CREBBP: variants seen among roughly 807,000 people sequenced by gnomAD.
The protein encoded by CREBBP is CREB binding lysine acetyltransferase, also known as CREB-binding protein.
CREBBP carries 19 observed loss-of-function variants against 265.0 expected under a neutral mutation model. The ratio of observed to expected loss-of-function variants is 0.07; its 90% CI spans 0.05 to 0.11. The LOEUF is 0.11. CREBBP is among the 10% of genes least tolerant of loss of function. The pLI, the probability that CREBBP is intolerant of heterozygous loss-of-function variation, is 1.00. For synonymous variants in CREBBP, 1,457 were observed against 1,223.7 expected, an observed-to-expected ratio of 1.19 and a Z score of -3.98; for missense variants, 2,525 against 3,219.0, an observed-to-expected ratio of 0.78 and a Z score of 5.22.
chr16:3,751,290 T>TTA (rs1162335427), intron 20 of CREBBP, among the ~76,000 whole-genome samples: 1 of 152,078 alleles, frequency 6.6e-6, no homozygotes, highest in Admixed American at 6.6e-5. Flanking sequence ...TTAAATGTGA[T>TTA]CATAGTTAAT....
intron 23 of CREBBP, 66 bp from the exon 24 acceptor site, chr16:3,740,615 A>G: frequency 6.3e-7 from 1 of 1,582,420 alleles, no homozygotes; most frequent in Non-Finnish European, 8.7e-7. Flanking sequence ...GACTGAGACT[A>G]GAGAATCCAC....
intron 2 of CREBBP, among the ~76,000 whole-genome samples, chr16:3,846,166 A>G (rs2054663868): frequency 6.6e-6 from 1 of 152,224 alleles, no homozygotes; most frequent in East Asian, 1.9e-4. Context: ...ATTAATGAGA[A>G]AAAATGACAA....
intron 2 of CREBBP, among the ~76,000 whole-genome samples, chr16:3,837,246 G>A (rs2054471550): frequency 6.6e-6 from 1 of 152,068 alleles, no homozygotes; most frequent in South Asian, 2.1e-4. Context: ...ACCCTGTACA[G>A]GCTTAGGCTA....
At chr16:3,778,275 A>C in intron 9 of CREBBP, 93 bp from the exon 10 acceptor site, 9 of 1,059,296 alleles carry the variant, frequency 8.5e-6, no homozygotes, top group Middle Eastern at 2.9e-4. Context: ...GAACTTCCTC[A>C]TTGAGTACAC....
chr16:3,826,401 G>T (rs1229047084), intron 2 of CREBBP, among the ~76,000 whole-genome samples: 1 of 152,130 alleles, frequency 6.6e-6, no homozygotes, highest in African/African-American at 2.4e-5. Flanking sequence ...AACATAGTGA[G>T]TCCTTCCAAA....
chr16:3,753,205 G>A (rs2052514106), intron 19 of CREBBP, among the ~76,000 whole-genome samples: 1 of 152,200 alleles, frequency 6.6e-6, no homozygotes, highest in Admixed American at 6.5e-5. Flanking sequence ...CACTCACACG[G>A]CTACAGAAGA....
chr16:3,843,944 C>G (rs898926506), intron 2 of CREBBP, among the ~76,000 whole-genome samples: 1 of 151,060 alleles, frequency 6.6e-6, no homozygotes, highest in Non-Finnish European at 1.5e-5. Flanking sequence ...GTCAGGAGAT[C>G]GAGACCATCC....
chr16:3,725,833 C>A lies in CREBBP; in HGVS notation c.*1885G>T, dbSNP rs1161208158. On this transcript the variant is annotated 3_prime_UTR_variant, in exon 31 of 31. Transcript: ENST00000262367. ...ATTTGGGGCGTGATTTCTAAAATTA[C>A]CATCACCCCCACCTAGACCAGCCTT... 8.6e-6 allele frequency: 2 copies of A among 233,048 alleles called. No homozygotes were observed. The highest frequency in any genetic ancestry group is 4.4e-5 in the African/African-American group (2 of 45,336). The allele number at this position is 233,048 out of a possible 1,614,324, so 14.4% of individuals were successfully genotyped here. A position where few individuals can be genotyped will look rare whatever the true frequency, so the allele number is the denominator to read the frequency against.
In CREBBP at chr16:3,865,058, C is replaced by CA. The variant is rs887679412; in HGVS notation, c.86-14050dup. Among the ~76,000 whole-genome samples, 757 of 143,468 alleles carry CA rather than the reference C, an allele frequency of 5.3e-3. 3 individuals are homozygous for CA. The highest frequency in any genetic ancestry group is 6.4e-3 in the Non-Finnish European group (414 of 65,110). The allele number at this position is 143,468 out of a possible 152,430, so 94.1% of individuals were successfully genotyped here. ...TGGGCGACAAAGCAAGACTCTGTCT[C>CA]AAAAAAAAAAAGAATATCTGCAACA... On this transcript the variant is annotated intron_variant, in intron 1 of 30. Transcript: ENST00000262367.
chr16:3,813,390 AT>A (rs1487201649), intron 2 of CREBBP, among the ~76,000 whole-genome samples: 2 of 152,210 alleles, frequency 1.3e-5, no homozygotes, highest in Non-Finnish European at 2.9e-5. Flanking sequence ...TATTAAGCAC[AT>A]TTCTGATTTG....
At chr16:3,773,579 G>C (rs968942884) in intron 13 of CREBBP, 172 bp downstream of exon 13, 1 of 681,686 alleles carries the variant, frequency 1.5e-6, no homozygotes, top group Non-Finnish European at 2.4e-6. Context: ...AATTCCAAAC[G>C]AGTTAAGGAC....
At chr16:3,848,828 TCTTAA>T (rs1313173295) in intron 2 of CREBBP, among the ~76,000 whole-genome samples, 1 of 152,192 alleles carries the variant, frequency 6.6e-6, no homozygotes, top group Non-Finnish European at 1.5e-5. Context: ...TACAGACTCT[TCTTAA>T]AATGCCAGGT....
At chr16:3,847,541 G>C (rs754473730) in intron 2 of CREBBP, among the ~76,000 whole-genome samples, 1 of 152,172 alleles carries the variant, frequency 6.6e-6, no homozygotes, top group Non-Finnish European at 1.5e-5. Context: ...GCTGCTTTGA[G>C]ATACCTATAG....
Position 3,778,746 on chromosome 16 carries a change from T to C in CREBBP, c.1895A>G (p.Tyr632Cys). The change falls in exon 9 of 31, where the codon TAT becomes TGT. Residue 632 changes from tyrosine to cysteine, a missense_variant. Transcript: ENST00000262367. ...KDRRMENLVA[Y>C]AKKVEGDMYE... The stretch of plus-strand genomic sequence containing the variant: ...CATGTCCCCTTCCACTTTCTTAGCA[T>C]AGGCTACCAGGTTTTCCATGCGGCG... 6.2e-7 allele frequency: 1 copy of C among 1,614,116 alleles called. No homozygotes were observed. Among genetic ancestry groups the C allele is most frequent in the Non-Finnish European group, 8.5e-7 (1 of 1,179,966 alleles).
chr16:3,814,613 A>C (rs181325540), intron 2 of CREBBP, among the ~76,000 whole-genome samples: 2 of 152,276 alleles, frequency 1.3e-5, no homozygotes, highest in East Asian at 3.9e-4. Context: ...GACAGATTTC[A>C]TCAAAAACGT....
intron 20 of CREBBP, among the ~76,000 whole-genome samples, chr16:3,750,957 C>T (rs1268061264): frequency 2.6e-5 from 4 of 152,082 alleles, no homozygotes; most frequent in Non-Finnish European, 4.4e-5. Flanking sequence ...TTTACATGGT[C>T]GGGCATGGTG....
At chr16:3,868,902 A>G (rs1185350401) in intron 1 of CREBBP, among the ~76,000 whole-genome samples, 1 of 152,146 alleles carries the variant, frequency 6.6e-6, no homozygotes, top group Non-Finnish European at 1.5e-5. Context: ...TAAAAGAATG[A>G]AGTGGTAGGA....
chr16:3,865,589 G>A (rs1262094865), intron 1 of CREBBP, among the ~76,000 whole-genome samples: 1 of 152,090 alleles, frequency 6.6e-6, no homozygotes, highest in African/African-American at 2.4e-5. Flanking sequence ...TTTGTCCTCT[G>A]AGTTTTCTGA....
rs1222484599 is a variant in CREBBP, at chr16:3,880,464, CG to C, written c.-549del. The C allele has an allele frequency of 1.4e-5, 2 of 145,602 alleles. No individual in the cohort carries two copies. The highest frequency in any genetic ancestry group is 3.1e-5 in the Non-Finnish European group (2 of 65,380). The allele number at this position is 145,602 out of a possible 1,614,324, so 9.0% of individuals were successfully genotyped here. A position where few individuals can be genotyped will look rare whatever the true frequency, so the allele number is the denominator to read the frequency against. On this transcript the variant is annotated 5_prime_UTR_variant, in exon 1 of 31. Coordinates refer to ENST00000262367, the MANE Select transcript of CREBBP (RefSeq NM_004380.3). ...CCGAGCGGGGTCGCCGCCGCCGCCGCGGCCCCCCCACCCCCCGTTCCGCCGC... is the reference window on the plus strand; with the variant it reads ...CCGAGCGGGGTCGCCGCCGCCGCCGCGCCCCCCCACCCCCCGTTCCGCCGC...
Sources: allele counts gnomAD v4.1 joint callset (sites outside exome capture counted in the v4.1 genomes callset), GRCh38; gene constraint gnomAD v4.1.1; transcripts MANE v1.5; gene names NCBI Gene and HGNC (gene_info 2026-07-23, HGNC 2026-07-21).